Variants in RBPJ observed in about 807,000 individuals in gnomAD.
RBPJ encodes the protein recombination signal binding protein for immunoglobulin kappa J region.
In RBPJ, 9 loss-of-function variants were observed where a neutral mutation model predicts 67.8. The observed-to-expected ratio is 0.13, with a 90% CI of 0.08 to 0.23. The LOEUF (loss-of-function observed/expected upper bound fraction) is 0.23. Ranked by LOEUF, RBPJ falls within the 10% of genes least tolerant of loss-of-function variation. The pLI, the probability that RBPJ is intolerant of heterozygous loss-of-function variation, is 1.00. For missense variants in RBPJ, 305 were observed against 595.6 expected, an observed-to-expected ratio of 0.51 and a Z score of 5.08; for synonymous variants, 198 against 203.3, an observed-to-expected ratio of 0.97 and a Z score of 0.22.
At chr4:26,235,367 G>A (rs1719421817) in intron 1 of RBPJ, among the ~76,000 whole-genome samples, 1 of 152,180 alleles carries the variant, frequency 6.6e-6, no homozygotes, top group Admixed American at 6.6e-5. Context: ...AATAAGATGT[G>A]TAACTTTGTT....
At chr4:26,342,830 C>G (rs973154391) in intron 1 of RBPJ, among the ~76,000 whole-genome samples, 1 of 152,252 alleles carries the variant, frequency 6.6e-6, no homozygotes, top group South Asian at 2.1e-4. Context: ...CTCTGACATG[C>G]TAGGGAGCTT....
At chr4:26,423,274 A>C (rs2109814937) in intron 5 of RBPJ, among the ~76,000 whole-genome samples, 1 of 152,352 alleles carries the variant, frequency 6.6e-6, no homozygotes, top group Middle Eastern at 3.4e-3. Flanking sequence ...AAAAGGAGAC[A>C]TCAAAGGTAG....
chr4:26,186,323 AC>A (rs1457777919), intron 1 of RBPJ, among the ~76,000 whole-genome samples: 1 of 152,102 alleles, frequency 6.6e-6, no homozygotes, highest in Non-Finnish European at 1.5e-5. Flanking sequence ...AATTGGGATA[AC>A]ATTGTTACTT....
chr4:26,433,585 A>T lies in RBPJ; in HGVS notation c.*2578A>T, dbSNP rs567761839. 3.3e-5 allele frequency: 5 copies of T among 152,226 alleles called. No individual in the cohort carries two copies. The highest frequency in any genetic ancestry group is 4.4e-5 in the Non-Finnish European group (3 of 68,032). The allele number at this position is 152,226 out of a possible 1,614,324, so 9.4% of individuals were successfully genotyped here. On this transcript the variant is annotated 3_prime_UTR_variant, in exon 11 of 11. Coordinates refer to ENST00000355476, the MANE Select transcript of RBPJ (RefSeq NM_015874.6). ...TTCCGTAAGATAATTGAAATATTAT[A>T]CTGTAAACCCTTTTCTTTTCTTTTT...
intron 1 of RBPJ, among the ~76,000 whole-genome samples, chr4:26,184,181 C>CAAAAA (rs150415692): frequency 3.3e-5 from 3 of 89,844 alleles, no homozygotes; most frequent in South Asian, 3.6e-4. Context: ...GACTTCATCT[C>CAAAAA]AAAAAAAAAA....
the RBPJ span, among the ~76,000 whole-genome samples, chr4:26,110,079 C>G: frequency 6.6e-6 from 1 of 152,182 alleles, no homozygotes; most frequent in Non-Finnish European, 1.5e-5. The surrounding 1 kb of genome is among the most constrained non-coding windows in gnomAD (Gnocchi z 4.5). Context: ...AGCTCCTCCC[C>G]TAGTTAAAAC....
intron 1 of RBPJ, among the ~76,000 whole-genome samples, chr4:26,364,070 ACT>A (rs1728353987): frequency 6.6e-6 from 1 of 152,142 alleles, no homozygotes; most frequent in South Asian, 2.1e-4. Flanking sequence ...CAGATTCAGA[ACT>A]CTCTTTTAGG....
intron 1 of RBPJ, among the ~76,000 whole-genome samples, chr4:26,252,271 T>C (rs1720140441): frequency 6.6e-6 from 1 of 151,810 alleles, no homozygotes; most frequent in Non-Finnish European, 1.5e-5. Flanking sequence ...TAAAGTCACA[T>C]GCTAGTTTAT....
In RBPJ at chr4:26,293,746, A is replaced by C. The variant is rs140657133; in HGVS notation, c.-166-68700A>C. On this transcript the variant is annotated intron_variant, in intron 1 of 4. Coordinates refer to the RBPJ transcript ENST00000512351. ...GGAATGACAAAAATAATAGACATGT[A>C]TATGAGAAGTGTTTTTTTCTTCTTT... Among the ~76,000 whole-genome samples the C allele has an allele frequency of 1.2e-4, 16 of 137,828 alleles. 1 individual carries two copies. Among genetic ancestry groups the C allele is most frequent in the African/African-American group, 4.0e-4 (15 of 37,798 alleles). The allele number at this position is 137,828 out of a possible 152,430, so 90.4% of individuals were successfully genotyped here.
At chr4:26,338,833 A>G (rs568154065) in intron 1 of RBPJ, among the ~76,000 whole-genome samples, 37 of 151,688 alleles carry the variant, frequency 2.4e-4, no homozygotes, top group Non-Finnish European at 3.7e-4. Flanking sequence ...TCGGCCTCCC[A>G]AAGTGCTGGG....
chr4:26,303,725 C>T (rs146334394), intron 1 of RBPJ, among the ~76,000 whole-genome samples: 1,996 of 152,208 alleles, frequency 0.013, 38 homozygotes, highest in African/African-American at 0.046. Flanking sequence ...GGGAGGATTG[C>T]TTGAGCCCAG....
the RBPJ span, among the ~76,000 whole-genome samples, chr4:26,118,989 T>C: frequency 6.6e-6 from 1 of 152,214 alleles, no homozygotes; most frequent in Non-Finnish European, 1.5e-5. Flanking sequence ...GAGTCCTCCA[T>C]AGCTGGGTAC....
intron 1 of RBPJ, among the ~76,000 whole-genome samples, chr4:26,334,372 T>G (rs1418807417): frequency 6.6e-6 from 1 of 152,124 alleles, no homozygotes; most frequent in Non-Finnish European, 1.5e-5. Context: ...TTCTTTTTTT[T>G]TTTCTAATAT....
the RBPJ span, among the ~76,000 whole-genome samples, chr4:26,128,107 C>T: frequency 6.6e-6 from 1 of 152,236 alleles, no homozygotes. Context: ...AAGGCAAATA[C>T]TAGTCCCTCC....
At chr4:26,348,625 A>G (rs562529738) in intron 1 of RBPJ, among the ~76,000 whole-genome samples, 15 of 152,348 alleles carry the variant, frequency 9.8e-5, no homozygotes, top group Non-Finnish European at 1.5e-5. Flanking sequence ...AATGTTAAAA[A>G]GTATTTTGAT....
At chr4:26,139,146 C>T in the RBPJ span, among the ~76,000 whole-genome samples, 1 of 109,824 alleles carries the variant, frequency 9.1e-6, no homozygotes, top group Non-Finnish European at 1.9e-5. Flanking sequence ...CACACGGCCA[C>T]AGACCCAATC....
At chr4:26,233,241 T>TG (rs1015411501) in intron 1 of RBPJ, among the ~76,000 whole-genome samples, 12 of 152,118 alleles carry the variant, frequency 7.9e-5, no homozygotes, top group African/African-American at 1.9e-4. Flanking sequence ...ATTAAAATAC[T>TG]GGGGGGGAAA....
chr4:26,152,209 A>G, the RBPJ span, among the ~76,000 whole-genome samples: 2 of 152,190 alleles, frequency 1.3e-5, no homozygotes, highest in African/African-American at 4.8e-5. Flanking sequence ...TGAATTCAGG[A>G]GTGGCTATGG....
At chr4:26,419,969 TTAAAG>T (rs1389359263) in intron 4 of RBPJ, among the ~76,000 whole-genome samples, 9 of 152,164 alleles carry the variant, frequency 5.9e-5, no homozygotes, top group African/African-American at 1.7e-4. Flanking sequence ...AAATAGTTCT[TTAAAG>T]TAATGCTTAT....
Sources: gnomAD v4.1 joint callset for allele counts (sites outside exome capture counted in the v4.1 genomes callset) on GRCh38, gnomAD v4.1.1 for gene constraint, Gnocchi (gnomAD v3.1) non-coding constraint, MANE v1.5 for transcripts, NCBI Gene and HGNC (gene_info 2026-07-23, HGNC 2026-07-21) for gene names.